Variants in CDK18 observed in about 807,000 individuals in gnomAD.
The protein encoded by CDK18 is cyclin dependent kinase 18, also known as cyclin-dependent kinase 18.
A neutral mutation model predicts 62.0 loss-of-function variants in CDK18; 52 were observed. The observed-to-expected ratio is 0.84, with a 90% CI of 0.67 to 1.06. The LOEUF (loss-of-function observed/expected upper bound fraction) is 1.06, where lower values mean the gene tolerates loss of function less well. Among genes scored for constraint, CDK18 ranks in the 50% least tolerant of loss-of-function variants. The pLI, the probability that CDK18 is intolerant of heterozygous loss-of-function variation, is 0.00. For missense variants in CDK18, 604 were observed against 619.9 expected, an observed-to-expected ratio of 0.97 and a Z score of 0.27; for synonymous variants, 237 against 247.0, an observed-to-expected ratio of 0.96 and a Z score of 0.38.
At chr1:205,526,897 T>A (rs1205570130) in intron 8 of CDK18, 60 bp downstream of exon 8, 7 of 1,387,806 alleles carry the variant, frequency 5.0e-6, no homozygotes, top group African/African-American at 1.4e-5. Flanking sequence ...AAGCCCAGTG[T>A]GGGGACCCAC....
chr1:205,524,152 A>G (rs1668293104), intron 3 of CDK18, 80 bp from the exon 4 acceptor site: 1 of 1,537,848 alleles, frequency 6.5e-7, no homozygotes, highest in Admixed American at 1.7e-5. Context: ...CGCTAGGTCC[A>G]GAGTGAAAGT....
chr1:205,524,488 C>A, intron 4 of CDK18, 131 bp downstream of exon 4: 2 of 1,001,998 alleles, frequency 2.0e-6, no homozygotes, highest in Non-Finnish European at 3.0e-6. Flanking sequence ...CACCTGCTGG[C>A]TTGAGTGCAT....
chr1:205,507,633 C>CAAAAAAA (rs56313401), intron 1 of CDK18, among the ~76,000 whole-genome samples: 5 of 72,196 alleles, frequency 6.9e-5, no homozygotes, highest in South Asian at 4.8e-4. Context: ...GACTCCGTCT[C>CAAAAAAA]AAAAAAAAAA....
rs867359696 is a variant in CDK18 at position 205,524,308 on chromosome 1, G to A, written c.350G>A (p.Ser117Asn). 6.2e-7 allele frequency: 1 copy of A among 1,614,160 alleles called. No homozygotes were observed. Among genetic ancestry groups the A allele is most frequent in the Non-Finnish European group, 8.5e-7 (1 of 1,180,038 alleles). Residue 117 changes from serine (S) to asparagine (N), a missense_variant, in exon 4 of 16, where the codon AGC becomes AAC. Transcript: ENST00000429964. ...QEFLQKLQME[S>N]PDLPKPLSRM... ...TTCCTACAGAAGCTACAGATGGAGA[G>A]CCCAGATCTGCCCAAGCCGCTCAGC...
At position 205,528,207 on chromosome 1, in the gene CDK18, G is replaced by A; in HGVS notation, c.974+39G>A. On this transcript the variant is annotated intron_variant, in intron 10 of 15. Transcript: ENST00000429964. The surrounding 1 kb of genome is among the most constrained non-coding windows in gnomAD (Gnocchi z 4.2). ...GTGGGGACCGAGGAGGGGAGGACAG[G>A]CCTGGCCACACCTCCAGACTCTCCT... The A allele has an allele frequency of 1.2e-6, 2 of 1,608,132 alleles. No homozygotes were observed. The highest frequency in any genetic ancestry group is 2.2e-5 in the South Asian group (2 of 90,618).
chr1:205,520,460 A>G (rs148116625), intron 1 of CDK18, among the ~76,000 whole-genome samples: 3,664 of 152,208 alleles, frequency 0.024, 84 homozygotes, highest in Admixed American at 0.06. Context: ...GCACTTTGGG[A>G]GGCCGAGGAG....
chr1:205,529,312 T>C lies in CDK18; in HGVS notation c.1073-12T>C. ...TCACGCAGGCCCTCCCCACCCTCTCTCGTCTCCCCAGGGACCCCCACAGAA... is the reference window on the plus strand; with the variant it reads ...TCACGCAGGCCCTCCCCACCCTCTCCCGTCTCCCCAGGGACCCCCACAGAA... On this transcript the variant is annotated splice_polypyrimidine_tract_variant and intron_variant, in intron 11 of 15. Transcript: ENST00000429964. 1 of 1,608,926 alleles carries C rather than the reference T, an allele frequency of 6.2e-7. No homozygotes were observed. The highest frequency in any genetic ancestry group is 8.5e-7 in the Non-Finnish European group (1 of 1,176,234).
At chr1:205,521,690 A>G (rs1393241781) in intron 1 of CDK18, among the ~76,000 whole-genome samples, 1 of 152,212 alleles carries the variant, frequency 6.6e-6, no homozygotes, top group Non-Finnish European at 1.5e-5. Flanking sequence ...GCCACCACTG[A>G]GCTGTGTTTG....
Position 205,523,463 on chromosome 1 carries a change from C to T in CDK18, c.131-20C>T. On this transcript the variant is annotated intron_variant, in intron 2 of 15. Transcript: ENST00000429964. ...CAGGACAGAGAGGCAGGGAGGGGAGCTGACGCCTGTCCCTCTTAGACTTGC... is the reference window on the plus strand; with the variant it reads ...CAGGACAGAGAGGCAGGGAGGGGAGTTGACGCCTGTCCCTCTTAGACTTGC... 5 of 1,595,398 alleles carry T rather than the reference C, an allele frequency of 3.1e-6. No individual in the cohort carries two copies. Among genetic ancestry groups the T allele is most frequent in the Non-Finnish European group, 2.6e-6 (3 of 1,171,528 alleles).
intron 1 of CDK18, among the ~76,000 whole-genome samples, chr1:205,509,156 C>T (rs930264511): frequency 2.0e-5 from 3 of 152,028 alleles, no homozygotes; most frequent in South Asian, 2.1e-4. Flanking sequence ...AAACAAAAAA[C>T]GGGTCTTGAA....
At chr1:205,510,439 T>C (rs955843642) in intron 1 of CDK18, among the ~76,000 whole-genome samples, 2 of 152,168 alleles carry the variant, frequency 1.3e-5, no homozygotes, top group African/African-American at 4.8e-5. Context: ...CAACATGGGA[T>C]GAGCCCAGGA....
chr1:205,523,378 C>G, intron 2 of CDK18, 81 bp downstream of exon 2: 1 of 1,587,694 alleles, frequency 6.3e-7, no homozygotes, highest in South Asian at 1.1e-5. Context: ...CCCACCCCCT[C>G]CCCACTGGCC....
At chr1:205,526,929 T>A in intron 8 of CDK18, 92 bp downstream of exon 8, 1 of 1,053,928 alleles carries the variant, frequency 9.5e-7, no homozygotes, top group South Asian at 1.3e-5. Context: ...GGGATCCGGC[T>A]GCTGAGGTGG....
chr1:205,529,727 C>T (rs1668643636), intron 13 of CDK18, 164 bp downstream of exon 13: 1 of 1,538,574 alleles, frequency 6.5e-7, no homozygotes, highest in Admixed American at 2.0e-5. Context: ...GGCCTCCATA[C>T]ACATCCTCTG....
intron 4 of CDK18, among the ~76,000 whole-genome samples, chr1:205,524,834 A>G (rs1429127682): frequency 6.6e-6 from 1 of 152,194 alleles, no homozygotes; most frequent in Non-Finnish European, 1.5e-5. Flanking sequence ...CTCAAGGTAC[A>G]ATGGGAAAAA....
In CDK18 at chr1:205,527,696, G is replaced by C; in HGVS notation, c.730-98G>C. ...TGCAGGAGAATGAGGGGCTTGTGCT[G>C]ACCTCACTGCCAAGCCCCTGCCCCC... On this transcript the variant is annotated intron_variant, in intron 8 of 15. Transcript: ENST00000429964. This position sits in a 1 kb window ranked among gnomAD's most constrained non-coding sequence, Gnocchi z 4.1. The C allele has an allele frequency of 8.6e-7, 1 of 1,156,164 alleles. No individual in the cohort carries two copies. The highest frequency in any genetic ancestry group is 1.3e-6 in the Non-Finnish European group (1 of 784,354). 71.6% of individuals were successfully genotyped at this position (1,156,164 alleles called of 1,614,324 possible).
Position 205,531,274 on chromosome 1 carries a change from TC to T in CDK18, c.1391-67del, listed in dbSNP as rs562817614. ...GAGCAGCTCTGGGGGACAGCGACTG[TC>T]CCTGCTGACCTGGGGTACCCGTCAG... On this transcript the variant is annotated intron_variant, in intron 15 of 15. Coordinates refer to ENST00000429964, the MANE Select transcript of CDK18 (RefSeq NM_212502.3). 3.9e-4 allele frequency: 552 copies of T among 1,423,534 alleles called. 1 individual carries two copies. The highest frequency in any genetic ancestry group is 9.4e-5 in the Non-Finnish European group (95 of 1,006,428). The allele number at this position is 1,423,534 out of a possible 1,614,324, so 88.2% of individuals were successfully genotyped here. A position where few individuals can be genotyped will look rare whatever the true frequency, so the allele number is the denominator to read the frequency against.
At chr1:205,524,386 A>G (rs759754384) in intron 4 of CDK18, 29 bp downstream of exon 4, 1 of 1,613,422 alleles carries the variant, frequency 6.2e-7, no homozygotes, top group Non-Finnish European at 8.5e-7. Flanking sequence ...AGAGGACACA[A>G]GGTGGGGTGA....
chr1:205,519,225 C>T (rs560351659), intron 1 of CDK18, among the ~76,000 whole-genome samples: 1 of 152,266 alleles, frequency 6.6e-6, no homozygotes, highest in South Asian at 2.1e-4. Context: ...CCCCTCGACC[C>T]CCAAATCTGA....
Sources: gnomAD v4.1 joint callset for allele counts (sites outside exome capture counted in the v4.1 genomes callset) on GRCh38, gnomAD v4.1.1 for gene constraint, Gnocchi (gnomAD v3.1) non-coding constraint, MANE v1.5 for transcripts, NCBI Gene and HGNC (gene_info 2026-07-23, HGNC 2026-07-21) for gene names.